TAX1BP1: variants seen among roughly 807,000 people sequenced by gnomAD.
TAX1BP1 encodes tax1-binding protein 1.
Under a neutral mutation model 97.7 loss-of-function variants are expected in TAX1BP1, and 62 were observed. That is an observed-to-expected ratio of 0.63 (90% CI 0.52 to 0.78). The LOEUF (loss-of-function observed/expected upper bound fraction) is 0.78. Ranked by LOEUF, TAX1BP1 falls within the 30% of genes least tolerant of loss-of-function variation. The pLI is 0.00. For synonymous variants in TAX1BP1, 340 were observed against 304.2 expected, an observed-to-expected ratio of 1.12 and a Z score of -1.23; for missense variants, 867 against 916.1, an observed-to-expected ratio of 0.95 and a Z score of 0.69.
intron 5 of TAX1BP1, among the ~76,000 whole-genome samples, chr7:27,777,054 C>T (rs1308659646): frequency 6.6e-6 from 1 of 151,988 alleles, no homozygotes; most frequent in Non-Finnish European, 1.5e-5. Flanking sequence ...CTTCTAGCTT[C>T]TTGAACATAT....
chr7:27,773,737 C>A (rs1788929888), intron 5 of TAX1BP1, among the ~76,000 whole-genome samples: 1 of 151,896 alleles, frequency 6.6e-6, no homozygotes, highest in African/African-American at 2.4e-5. Flanking sequence ...TTGTGTGTTT[C>A]ATTGTGTTCT....
intron 13 of TAX1BP1, among the ~76,000 whole-genome samples, chr7:27,805,301 A>T (rs1790294337): frequency 6.6e-6 from 1 of 152,106 alleles, no homozygotes; most frequent in African/African-American, 2.4e-5. Context: ...TCTTTGGCTC[A>T]TTATTCTCTG....
rs143502621 is a variant in TAX1BP1, at chr7:27,751,932, C to T, written c.162+3246C>T. Reference sequence around the variant, plus strand: ...CCTAAATAAGTGCTGGGATTGCAGGCGTGAACCACCATGCCCAGCTACAGA... The same window carrying T: ...CCTAAATAAGTGCTGGGATTGCAGGTGTGAACCACCATGCCCAGCTACAGA... On this transcript the variant is annotated intron_variant, in intron 2 of 16. Transcript: ENST00000396319. 2.0e-3 allele frequency among the ~76,000 whole-genome samples: 308 copies of T among 152,150 alleles called. 1 individual carries two copies. Among genetic ancestry groups the T allele is most frequent in the East Asian group, 0.017 (90 of 5,176 alleles).
chr7:27,780,968 TAA>T (rs1413599910), intron 5 of TAX1BP1, among the ~76,000 whole-genome samples: 3 of 152,170 alleles, frequency 2.0e-5, no homozygotes, highest in Non-Finnish European at 4.4e-5. Context: ...TAATTTTAAG[TAA>T]AGTTATACTA....
intron 12 of TAX1BP1, among the ~76,000 whole-genome samples, chr7:27,796,583 C>G (rs1346567242): frequency 6.6e-6 from 1 of 152,322 alleles, no homozygotes; most frequent in Non-Finnish European, 1.5e-5. Context: ...TATTATCGGC[C>G]AGGTGCGGTG....
At chr7:27,747,403 A>G (rs1787865420) in intron 1 of TAX1BP1, among the ~76,000 whole-genome samples, 1 of 152,130 alleles carries the variant, frequency 6.6e-6, no homozygotes, top group Admixed American at 6.5e-5. Context: ...GCGTTCATGA[A>G]TCTCTAAGAG....
At position 27,765,912 on chromosome 7, in the gene TAX1BP1, G is replaced by A; in HGVS notation, c.344G>A (p.Ser115Asn). 6.2e-7 allele frequency: 1 copy of A among 1,614,188 alleles called. No individual in the cohort carries two copies. The highest frequency in any genetic ancestry group is 2.2e-5 in the East Asian group (1 of 44,878). ...CATAAGGGTGAAATTCGTGGAGCAA[G>A]TACACCTTTCCAGTTTCGAGCTTCT... ...VTHKGEIRGA[S>N]TPFQFRASSP... The change falls in exon 4 of 17, where the codon AGT (serine) becomes AAT (asparagine). Residue 115 changes from serine to asparagine, a missense_variant. Coordinates refer to ENST00000396319, the MANE Select transcript of TAX1BP1 (RefSeq NM_006024.7).
chr7:27,748,967 T>TA (rs952802176), intron 2 of TAX1BP1, among the ~76,000 whole-genome samples: 74 of 152,220 alleles, frequency 4.9e-4, no homozygotes, highest in South Asian at 1.9e-3. Context: ...TTACCTGCAA[T>TA]AAAAAAAGAT....
At chr7:27,744,581 T>C (rs1787749431) in intron 1 of TAX1BP1, among the ~76,000 whole-genome samples, 1 of 152,238 alleles carries the variant, frequency 6.6e-6, no homozygotes, top group Non-Finnish European at 1.5e-5. Context: ...TAATTTGGCT[T>C]CATATGTTTA....
rs757611198 is a variant in TAX1BP1 at position 27,785,510 on chromosome 7, T to C, written c.852+21T>C. ...ATAAGGTAATTTATTTTTTACCATATCTATTGCCTGTTGCTTCAAAAGAAA... is the reference window on the plus strand; with the variant it reads ...ATAAGGTAATTTATTTTTTACCATACCTATTGCCTGTTGCTTCAAAAGAAA... On this transcript the variant is annotated intron_variant, in intron 7 of 16. Transcript: ENST00000396319. 2.5e-6 allele frequency: 4 copies of C among 1,576,154 alleles called. No homozygotes were observed. In the African/African-American group the frequency reaches 5.5e-5, roughly 22 times the overall value.
Position 27,816,511 on chromosome 7 carries a change from G to C in TAX1BP1, c.1927G>C (p.Glu643Gln). The C allele has an allele frequency of 6.5e-7, 1 of 1,532,506 alleles. No homozygotes were observed. The highest frequency in any genetic ancestry group is 8.7e-7 in the Non-Finnish European group (1 of 1,152,380). The allele number at this position is 1,532,506 out of a possible 1,614,324, so 94.9% of individuals were successfully genotyped here. A position where few individuals can be genotyped will look rare whatever the true frequency, so the allele number is the denominator to read the frequency against. The change falls in exon 14 of 17, where the codon GAA becomes CAA. Residue 643 changes from glutamate (E) to glutamine (Q), a missense_variant. Coordinates refer to ENST00000396319, the MANE Select transcript of TAX1BP1 (RefSeq NM_006024.7). ...ATATGGTAATCCTTATGCATCTCAG[G>C]AAACAAGAGGTTATTACAGTATTTT... ...LQYGNPYASQ[E>Q]TRDGADGAFY...
intron 13 of TAX1BP1, among the ~76,000 whole-genome samples, chr7:27,805,310 T>C: frequency 6.6e-6 from 1 of 152,224 alleles, no homozygotes; most frequent in East Asian, 1.9e-4. Context: ...CATTATTCTC[T>C]GATTTTTGGT....
chr7:27,779,593 G>A lies in TAX1BP1; in HGVS notation c.613-5570G>A, dbSNP rs1333901223. On this transcript the variant is annotated intron_variant, in intron 5 of 16. Coordinates refer to ENST00000396319, the MANE Select transcript of TAX1BP1 (RefSeq NM_006024.7). ...TATTACATAGCCAATTTAATTTTTT[G>A]TCTTAATGGCAGTGTATCAGATGAG... is the stretch of plus-strand genomic sequence containing the variant. Among the ~76,000 whole-genome samples, 4 of 152,164 alleles carry A rather than the reference G, an allele frequency of 2.6e-5. No homozygotes were observed. In the East Asian group the frequency reaches 5.8e-4, roughly 22 times the overall value.
At position 27,758,036 on chromosome 7, in the gene TAX1BP1, A is replaced by G. The variant is rs1284833881; in HGVS notation, c.168A>G (p.Gly56=). The G allele has an allele frequency of 6.2e-7, 1 of 1,608,400 alleles. No homozygotes were observed. The highest frequency in any genetic ancestry group is 1.1e-5 in the South Asian group (1 of 90,210). ...PKDWVGIFKV[G]WSTARDYYTF... is the part of the protein sequence containing the mutation. Reference sequence around the variant, plus strand: ...TTTTTGTTATTTCCCTTTAGGTTGGATGGAGTACTGCTCGTGATTATTACA... The same window carrying G: ...TTTTTGTTATTTCCCTTTAGGTTGGGTGGAGTACTGCTCGTGATTATTACA... Residue 56 remains glycine (G), a synonymous_variant, in exon 3 of 17, where the codon GGA becomes GGG. Coordinates refer to ENST00000396319, the MANE Select transcript of TAX1BP1 (RefSeq NM_006024.7).
At chr7:27,766,818 G>A (rs1266812572) in intron 4 of TAX1BP1, among the ~76,000 whole-genome samples, 1 of 152,204 alleles carries the variant, frequency 6.6e-6, no homozygotes, top group East Asian at 1.9e-4. Context: ...TTTCTAAAGT[G>A]TGGCAGTGAG....
At chr7:27,808,309 A>G (rs967668467) in intron 13 of TAX1BP1, among the ~76,000 whole-genome samples, 2 of 152,216 alleles carry the variant, frequency 1.3e-5, no homozygotes, top group African/African-American at 4.8e-5. Flanking sequence ...CATAAATTCT[A>G]GTCTTCTCTC....
intron 7 of TAX1BP1, among the ~76,000 whole-genome samples, chr7:27,785,871 G>A (rs763020906): frequency 3.3e-5 from 5 of 152,072 alleles, no homozygotes; most frequent in African/African-American, 4.8e-5. Flanking sequence ...TAGTTTTCAG[G>A]GAATTAATTT....
upstream of TAX1BP1, chr7:27,739,784 GAGTGGGCT>G (rs1787494385): frequency 6.6e-6 from 1 of 152,272 alleles, no homozygotes; most frequent in African/African-American, 2.4e-5. Flanking sequence ...TCTATAAAAT[GAGTGGGCT>G]AGTTTAGGCC....
chr7:27,763,101 G>A (rs1788489898), intron 3 of TAX1BP1, among the ~76,000 whole-genome samples: 1 of 152,192 alleles, frequency 6.6e-6, no homozygotes, highest in South Asian at 2.1e-4. Flanking sequence ...GTCAGGGAAA[G>A]CTTAGTCATT....
Sources: allele counts gnomAD v4.1 joint callset (sites outside exome capture counted in the v4.1 genomes callset), GRCh38; gene constraint gnomAD v4.1.1; transcripts MANE v1.5; gene names NCBI Gene and HGNC (gene_info 2026-07-23, HGNC 2026-07-21).